SV2C: variants seen among roughly 807,000 people sequenced by gnomAD.
SV2C encodes the protein synaptic vesicle glycoprotein 2C.
Under a neutral mutation model 79.7 loss-of-function variants are expected in SV2C, and 49 were observed. That is an observed-to-expected ratio of 0.61 (90% CI 0.49 to 0.78). The LOEUF (loss-of-function observed/expected upper bound fraction) is 0.78, where lower values mean the gene tolerates loss of function less well. Ranked by LOEUF, SV2C falls within the 30% of genes least tolerant of loss-of-function variation. SV2C has a pLI of 0.00. For missense variants in SV2C, 833 were observed against 912.9 expected (o/e 0.91, Z 1.13); for synonymous variants, 334 against 333.2 (o/e 1.00, Z -0.03).
intron 1 of SV2C, among the ~76,000 whole-genome samples, chr5:76,099,364 T>TGGTGTG (rs1561214666): frequency 9.6e-6 from 1 of 104,058 alleles, no homozygotes; most frequent in East Asian, 3.2e-4. Flanking sequence ...TTTCTTTTGC[T>TGGTGTG]CGTGTGTGTG....
At chr5:76,020,414 G>T in the SV2C span, among the ~76,000 whole-genome samples, 1 of 152,122 alleles carries the variant, frequency 6.6e-6, no homozygotes, top group Non-Finnish European at 1.5e-5. Context: ...CATTCTGTCC[G>T]TGCTCTACTA....
the SV2C span, among the ~76,000 whole-genome samples, chr5:75,853,416 C>T: frequency 4.6e-5 from 7 of 151,386 alleles, no homozygotes; most frequent in South Asian, 4.2e-4. Context: ...ACTAGCCGGG[C>T]GTGGTGGCGG....
the SV2C span, among the ~76,000 whole-genome samples, chr5:75,946,657 A>T: frequency 6.6e-6 from 1 of 152,260 alleles, no homozygotes; most frequent in East Asian, 1.9e-4. Context: ...TAACCTAAGC[A>T]AAACAAGGTA....
chr5:75,902,271 C>T, the SV2C span, among the ~76,000 whole-genome samples: 1 of 152,174 alleles, frequency 6.6e-6, no homozygotes, highest in Admixed American at 6.5e-5. Context: ...TGCTTTTGAA[C>T]AGTAATCTGG....
At chr5:75,930,955 G>A in the SV2C span, among the ~76,000 whole-genome samples, 19 of 152,026 alleles carry the variant, frequency 1.2e-4, no homozygotes, top group African/African-American at 2.9e-4. Context: ...CCAACATGGC[G>A]AAACCCTGTC....
the SV2C span, among the ~76,000 whole-genome samples, chr5:75,904,807 G>T: frequency 6.6e-6 from 1 of 152,340 alleles, no homozygotes; most frequent in Non-Finnish European, 1.5e-5. Context: ...AGTGCTATTT[G>T]TAGTCTTGCT....
chr5:76,335,536 G>T (rs1456047446), downstream of SV2C, among the ~76,000 whole-genome samples: 1 of 149,744 alleles, frequency 6.7e-6, no homozygotes, highest in Non-Finnish European at 1.5e-5. Context: ...GTGAACAAAG[G>T]TCTCTGGTTT....
intron 6 of SV2C, among the ~76,000 whole-genome samples, chr5:76,288,048 G>C (rs1747410551): frequency 6.8e-6 from 1 of 146,356 alleles, no homozygotes; most frequent in South Asian, 2.1e-4. Context: ...TCGTGCCTCT[G>C]CACTCTAGCC....
chr5:76,301,950 A>G (rs1027278435), intron 12 of SV2C, among the ~76,000 whole-genome samples: 2 of 148,094 alleles, frequency 1.4e-5, no homozygotes, highest in Non-Finnish European at 3.0e-5. Flanking sequence ...TCACTTCCCC[A>G]GGAAAGTAAA....
At chr5:75,957,473 G>A in the SV2C span, among the ~76,000 whole-genome samples, 1 of 152,030 alleles carries the variant, frequency 6.6e-6, no homozygotes, top group Non-Finnish European at 1.5e-5. Flanking sequence ...TTAATCTGGT[G>A]ACTGTCTTAT....
At chr5:76,285,914 C>T (rs370791998) in intron 6 of SV2C, 44 bp downstream of exon 6, 1 of 1,551,826 alleles carries the variant, frequency 6.4e-7, no homozygotes, top group African/African-American at 1.4e-5. Flanking sequence ...GGGATTGGGA[C>T]ATGTTTTCTG....
chr5:76,245,719 G>A (rs901471320), intron 4 of SV2C, among the ~76,000 whole-genome samples: 1 of 152,110 alleles, frequency 6.6e-6, no homozygotes, highest in African/African-American at 2.4e-5. Flanking sequence ...GAAATTGGGA[G>A]CGAATTGCAG....
chr5:75,967,502 A>G, the SV2C span, among the ~76,000 whole-genome samples: 6 of 152,208 alleles, frequency 3.9e-5, no homozygotes, highest in Non-Finnish European at 1.5e-5. Flanking sequence ...CAGGCTTAAC[A>G]AATGGCACAC....
chr5:76,064,780 T>C, the SV2C span, among the ~76,000 whole-genome samples: 1 of 152,160 alleles, frequency 6.6e-6, no homozygotes, highest in Non-Finnish European at 1.5e-5. Flanking sequence ...CTCTTTCAAA[T>C]ATCGTGTTCT....
At chr5:75,946,553 G>A in the SV2C span, among the ~76,000 whole-genome samples, 10 of 151,784 alleles carry the variant, frequency 6.6e-5, no homozygotes, top group East Asian at 1.9e-4. Context: ...TAACTATTCC[G>A]GGTCCTTTGC....
At chr5:75,950,428 G>A in the SV2C span, among the ~76,000 whole-genome samples, 7 of 151,906 alleles carry the variant, frequency 4.6e-5, no homozygotes, top group African/African-American at 7.2e-5. Flanking sequence ...TTTATAAAAC[G>A]ATGAATATTA....
the SV2C span, among the ~76,000 whole-genome samples, chr5:76,012,797 G>A: frequency 5.9e-5 from 9 of 152,110 alleles, no homozygotes; most frequent in African/African-American, 2.2e-4. Context: ...TGTAAGGAAG[G>A]GGTCCAGTTT....
rs76521180 is a variant in SV2C, at chr5:76,197,238, A to G, written c.761+2139A>G. ...AGATAATGTAGGATAATGTTTAGAA[A>G]CACTCACTCATAGTTTGGCATTTCT... On this transcript the variant is annotated intron_variant, in intron 3 of 12. Coordinates refer to ENST00000502798, the MANE Select transcript of SV2C (RefSeq NM_014979.4). Among the ~76,000 whole-genome samples, 1,475 of 152,306 alleles carry G rather than the reference A, an allele frequency of 9.7e-3. 26 individuals are homozygous for G. The highest frequency in any genetic ancestry group is 0.034 in the African/African-American group (1,412 of 41,560).
the SV2C span, among the ~76,000 whole-genome samples, chr5:76,002,862 C>CAT: frequency 4.3e-5 from 5 of 116,324 alleles, no homozygotes; most frequent in Admixed American, 8.1e-5. Flanking sequence ...TACTTCTGTG[C>CAT]GTGTGTTTTT....
Sources: allele counts gnomAD v4.1 joint callset (sites outside exome capture counted in the v4.1 genomes callset), GRCh38; gene constraint gnomAD v4.1.1; transcripts MANE v1.5; gene names NCBI Gene and HGNC (gene_info 2026-07-23, HGNC 2026-07-21).